The following LMX1A variants were observed in gnomAD, a reference collection of about 807,000 sequenced individuals.
LMX1A encodes LIM homeobox transcription factor 1 alpha.
A neutral mutation model predicts 49.1 loss-of-function variants in LMX1A; 15 were observed. That is an observed-to-expected ratio of 0.31 (90% CI 0.20 to 0.47). LMX1A has a LOEUF of 0.47. LMX1A is among the 20% of genes least tolerant of loss of function. The pLI, the probability that LMX1A is intolerant of heterozygous loss-of-function variation, is 1.00. For missense variants in LMX1A, 372 were observed against 475.8 expected (o/e 0.78, Z 2.03); for synonymous variants, 167 against 185.7 (o/e 0.90, Z 0.82).
intron 4 of LMX1A, among the ~76,000 whole-genome samples, chr1:165,224,562 A>C (rs1651969239): frequency 6.6e-6 from 1 of 152,208 alleles, no homozygotes; most frequent in African/African-American, 2.4e-5. Flanking sequence ...ATATAATTAG[A>C]ATAAGCTTCC....
chr1:165,211,284 G>A (rs1651377877), intron 5 of LMX1A: 1 of 152,254 alleles, frequency 6.6e-6, no homozygotes, highest in Non-Finnish European at 1.5e-5. Context: ...TACCCCAAGT[G>A]AGCCCTGCCC....
intron 2 of LMX1A, among the ~76,000 whole-genome samples, chr1:165,354,921 C>A (rs1027827409): frequency 6.6e-6 from 1 of 152,024 alleles, no homozygotes; most frequent in African/African-American, 2.4e-5. Flanking sequence ...GAGGGGGGAC[C>A]CACAGGACCC....
In LMX1A at chr1:165,203,549, G is replaced by A; in HGVS notation, c.*331C>T. 1 of 196,420 alleles carries A rather than the reference G, an allele frequency of 5.1e-6. No individual in the cohort carries two copies. The highest frequency in any genetic ancestry group is 1.1e-5 in the Non-Finnish European group (1 of 93,996). The allele number at this position is 196,420 out of a possible 1,614,324, so 12.2% of individuals were successfully genotyped here. On this transcript the variant is annotated 3_prime_UTR_variant, in exon 9 of 9. Transcript: ENST00000342310. ...GATAGACATATGCACCTCTTGACAA[G>A]AGCTTCCCCGACATGGTGGGAAGTT...
intron 5 of LMX1A, among the ~76,000 whole-genome samples, chr1:165,211,675 T>C (rs904623980): frequency 2.6e-5 from 4 of 152,046 alleles, no homozygotes; most frequent in Non-Finnish European, 4.4e-5. Flanking sequence ...TTAGAACAGG[T>C]TTTTATAGCA....
chr1:165,301,297 T>C (rs1654767483), intron 3 of LMX1A, among the ~76,000 whole-genome samples: 2 of 152,168 alleles, frequency 1.3e-5, no homozygotes, highest in South Asian at 2.1e-4. Flanking sequence ...GAATACCTGA[T>C]TGCAGAGCCC....
At chr1:165,328,320 A>G (rs796974811) in intron 3 of LMX1A, among the ~76,000 whole-genome samples, 27 of 152,352 alleles carry the variant, frequency 1.8e-4, no homozygotes, top group Middle Eastern at 3.4e-3. Context: ...ATAAAGATGT[A>G]CATCTGTCGC....
In LMX1A at chr1:165,353,262, C is replaced by T. The variant is rs1468945993; in HGVS notation, c.77G>A (p.Gly26Asp). The stretch of plus-strand genomic sequence containing the variant: ...GACAGACTTGGGGCTCACCGCTCTG[C>T]CTGTAGCCACAACAGACGTTGGCGG... ...DTSASFSSLL[G>D]RAVSPKSVCE... The change falls in exon 3 of 9, where the codon GGC (glycine) becomes GAC (aspartate). Residue 26 changes from glycine (G) to aspartate (D), a missense_variant and splice_region_variant. By Grantham distance (94) the Gly-to-Asp change is moderately conservative. Transcript: ENST00000342310. 1.2e-6 allele frequency: 2 copies of T among 1,609,038 alleles called. No individual in the cohort carries two copies. Among genetic ancestry groups the T allele is most frequent in the Non-Finnish European group, 1.7e-6 (2 of 1,179,574 alleles).
intron 4 of LMX1A, among the ~76,000 whole-genome samples, chr1:165,215,576 C>T (rs562795795): frequency 3.3e-5 from 5 of 152,114 alleles, no homozygotes; most frequent in Non-Finnish European, 5.9e-5. Flanking sequence ...GCCCATGGGC[C>T]TATGCTGTTT....
intron 3 of LMX1A, among the ~76,000 whole-genome samples, chr1:165,295,455 T>A (rs1319846796): frequency 2.7e-5 from 4 of 147,686 alleles, no homozygotes; most frequent in African/African-American, 9.8e-5. Context: ...ATATATAAAA[T>A]ATATATATAA....
At chr1:165,231,961 C>T (rs936913122) in intron 4 of LMX1A, among the ~76,000 whole-genome samples, 2 of 152,188 alleles carry the variant, frequency 1.3e-5, no homozygotes, top group African/African-American at 4.8e-5. Flanking sequence ...ACTAGTGTGT[C>T]TTATGCACCT....
chr1:165,234,331 C>A (rs923138535), intron 4 of LMX1A, among the ~76,000 whole-genome samples: 3 of 152,168 alleles, frequency 2.0e-5, no homozygotes, highest in Non-Finnish European at 4.4e-5. Context: ...CAGTTTCATA[C>A]CCATTGTGAA....
At chr1:165,300,069 C>A (rs1344346492) in intron 3 of LMX1A, among the ~76,000 whole-genome samples, 1 of 152,014 alleles carries the variant, frequency 6.6e-6, no homozygotes, top group Non-Finnish European at 1.5e-5. Context: ...TGGGAAGAGT[C>A]AGTCTCATGG....
At chr1:165,354,962 C>A (rs1194677349) in intron 2 of LMX1A, among the ~76,000 whole-genome samples, 1 of 152,116 alleles carries the variant, frequency 6.6e-6, no homozygotes, top group Non-Finnish European at 1.5e-5. Context: ...TAACGCGGAG[C>A]CTAGGGCCCA....
At chr1:165,258,054 G>A (rs975766103) in intron 3 of LMX1A, among the ~76,000 whole-genome samples, 1 of 152,176 alleles carries the variant, frequency 6.6e-6, no homozygotes, top group Non-Finnish European at 1.5e-5. Context: ...GTAACAGAGG[G>A]TTTGGGGCAG....
chr1:165,343,280 G>C (rs769472079), intron 3 of LMX1A, among the ~76,000 whole-genome samples: 83 of 152,134 alleles, frequency 5.5e-4, no homozygotes, highest in Middle Eastern at 3.4e-3. Context: ...GGAACAGCGG[G>C]ACAAGGATTT....
intron 3 of LMX1A, among the ~76,000 whole-genome samples, chr1:165,324,302 T>C (rs1319486998): frequency 6.6e-6 from 1 of 152,144 alleles, no homozygotes; most frequent in African/African-American, 2.4e-5. Context: ...CAAAACCACC[T>C]TCCACCAGCC....
At chr1:165,260,775 A>C (rs1287694579) in intron 3 of LMX1A, among the ~76,000 whole-genome samples, 2 of 152,184 alleles carry the variant, frequency 1.3e-5, no homozygotes, top group African/African-American at 4.8e-5. Context: ...AGAAAAGAAA[A>C]GCATCCACTG....
At chr1:165,222,171 G>C (rs1651874426) in intron 4 of LMX1A, among the ~76,000 whole-genome samples, 1 of 152,094 alleles carries the variant, frequency 6.6e-6, no homozygotes, top group South Asian at 2.1e-4. Flanking sequence ...TTCAAATCAA[G>C]CCTGGGTAAA....
intron 4 of LMX1A, among the ~76,000 whole-genome samples, chr1:165,242,459 T>C (rs952251099): frequency 4.2e-4 from 30 of 72,002 alleles, no homozygotes; most frequent in Admixed American, 3.4e-3. Flanking sequence ...AAATGATACA[T>C]AAAAAAGCAA....
Sources: allele counts gnomAD v4.1 joint callset (sites outside exome capture counted in the v4.1 genomes callset), GRCh38; gene constraint gnomAD v4.1.1; transcripts MANE v1.5; gene names NCBI Gene and HGNC (gene_info 2026-07-23, HGNC 2026-07-21).